Variants in MCF2L2 observed in about 807,000 individuals in gnomAD.
MCF2L2 encodes probable guanine nucleotide exchange factor MCF2L2.
Under a neutral mutation model 150.2 loss-of-function variants are expected in MCF2L2, and 102 were observed. That is an observed-to-expected ratio of 0.68 (90% CI 0.58 to 0.80). The LOEUF is 0.80. Among genes scored for constraint, MCF2L2 ranks in the 30% least tolerant of loss-of-function variants. MCF2L2 has a pLI of 0.00. For synonymous variants in MCF2L2, 465 were observed against 491.3 expected, an observed-to-expected ratio of 0.95 and a Z score of 0.71; for missense variants, 1,256 against 1,372.8, an observed-to-expected ratio of 0.91 and a Z score of 1.34.
intron 5 of MCF2L2, among the ~76,000 whole-genome samples, chr3:183,326,894 G>A (rs999060562): frequency 1.3e-5 from 2 of 152,112 alleles, no homozygotes; most frequent in East Asian, 1.9e-4. Context: ...TTACAAAGGT[G>A]CAAAGGTAAT....
In MCF2L2 at chr3:183,410,145, T is replaced by C. The variant is rs527966505; in HGVS notation, c.76+17757A>G. Among the ~76,000 whole-genome samples, 9 of 152,290 alleles carry C rather than the reference T, an allele frequency of 5.9e-5. No homozygotes were observed. The East Asian group carries it at 1.7e-3, about 29-fold the overall frequency. On this transcript the variant is annotated intron_variant, in intron 1 of 29. Coordinates refer to ENST00000328913, the MANE Select transcript of MCF2L2 (RefSeq NM_015078.4). ...TATTCCCCTTATCCCGCCAATTAAA[T>C]AGCTTTCCCCTCTCCATCTATCTAA...
chr3:183,213,166 T>C (rs1006715048), intron 22 of MCF2L2, among the ~76,000 whole-genome samples: 1 of 152,018 alleles, frequency 6.6e-6, no homozygotes, highest in African/African-American at 2.4e-5. Context: ...GAAGACTGTT[T>C]CATTCAATCT....
At chr3:183,306,156 T>C (rs1001369555) in intron 10 of MCF2L2, among the ~76,000 whole-genome samples, 1 of 152,218 alleles carries the variant, frequency 6.6e-6, no homozygotes, top group African/African-American at 2.4e-5. Context: ...TCCATCCCTA[T>C]CCGACTTCCA....
chr3:183,229,417 C>T (rs1723466461), intron 17 of MCF2L2, among the ~76,000 whole-genome samples: 1 of 152,190 alleles, frequency 6.6e-6, no homozygotes, highest in African/African-American at 2.4e-5. Flanking sequence ...AAGGAACACT[C>T]AACTGCATAC....
At chr3:183,338,447 C>CAAAA (rs58920831) in intron 5 of MCF2L2, among the ~76,000 whole-genome samples, 1 of 104,704 alleles carries the variant, frequency 9.6e-6, no homozygotes, top group Non-Finnish European at 2.0e-5. Flanking sequence ...AACTCTATCT[C>CAAAA]AAAAAAAAAA....
chr3:183,179,178 CTCCGAGGTCCCCCGTGCGGAG>C lies in MCF2L2; in HGVS notation c.*181_*201del. The C allele has an allele frequency of 1.6e-6, 1 of 637,166 alleles. No individual in the cohort carries two copies. Among genetic ancestry groups the C allele is most frequent in the Non-Finnish European group, 2.3e-6 (1 of 426,878 alleles). 39.5% of individuals were successfully genotyped at this position (637,166 alleles called of 1,614,324 possible). A position where few individuals can be genotyped will look rare whatever the true frequency, so the allele number is the denominator to read the frequency against. ...CGCCTCTGCAGGCGCCTTAGAGCAG[CTCCGAGGTCCCCCGTGCGGAG>C]CTAGGCGCGCACCCAGGACACCCCT... On this transcript the variant is annotated 3_prime_UTR_variant, in exon 30 of 30. Transcript: ENST00000328913. The surrounding 1 kb of genome is among the most constrained non-coding windows in gnomAD (Gnocchi z 4.2).
chr3:183,332,116 T>C (rs188314556), intron 5 of MCF2L2, among the ~76,000 whole-genome samples: 22 of 152,306 alleles, frequency 1.4e-4, no homozygotes, highest in East Asian at 9.6e-4. Context: ...TCACAACACG[T>C]TTTAAAAATA....
chr3:183,383,371 A>G (rs1308203792), intron 2 of MCF2L2, among the ~76,000 whole-genome samples: 1 of 152,024 alleles, frequency 6.6e-6, no homozygotes, highest in African/African-American at 2.4e-5. Context: ...AGTAGCTGAG[A>G]TTACAGGTAT....
chr3:183,303,107 T>C (rs1221981050), intron 10 of MCF2L2, among the ~76,000 whole-genome samples: 7 of 150,640 alleles, frequency 4.6e-5, no homozygotes, highest in African/African-American at 1.7e-4. Context: ...GGCAGGAGAA[T>C]AGCTTGAACC....
intron 6 of MCF2L2, among the ~76,000 whole-genome samples, chr3:183,318,888 A>G (rs556279425): frequency 7.9e-5 from 12 of 152,212 alleles, no homozygotes; most frequent in Non-Finnish European, 1.6e-4. Context: ...TCAAATCACA[A>G]TCTTTTTGCT....
chr3:183,206,268 A>G, intron 23 of MCF2L2, 54 bp from the exon 24 acceptor site: 2 of 1,256,600 alleles, frequency 1.6e-6, no homozygotes, highest in South Asian at 1.2e-5. Flanking sequence ...TGATTTTAAA[A>G]TAGTCCCTGT....
chr3:183,326,492 CAAAAAAAAAA>C (rs890481068), intron 5 of MCF2L2, among the ~76,000 whole-genome samples: 33 of 39,434 alleles, frequency 8.4e-4, no homozygotes, highest in Admixed American at 3.7e-3. Flanking sequence ...AACTCCGTCT[CAAAAAAAAAA>C]AAAAAAAAAA....
At chr3:183,304,566 A>C (rs1014997222) in intron 10 of MCF2L2, among the ~76,000 whole-genome samples, 1 of 148,794 alleles carries the variant, frequency 6.7e-6, no homozygotes, top group Non-Finnish European at 1.5e-5. Context: ...CCGGGGTTCA[A>C]GCGATTCTCC....
chr3:183,219,873 G>C lies in MCF2L2; in HGVS notation c.2353C>G (p.Leu785Val), dbSNP rs771573026. Residue 785 changes from leucine (L) to valine (V), a missense_variant, in exon 21 of 30, where the codon CTA becomes GTA. Coordinates refer to ENST00000328913, the MANE Select transcript of MCF2L2 (RefSeq NM_015078.4). ...TTGAGTACCTTAGCCGAGCCTCCTA[G>C]TTCACCTGGGTCTATCTCCATATCT... ...PEDMEIDPGE[L>V]GGSAKDGPKR... is the part of the protein sequence containing the mutation. 1 of 1,612,670 alleles carries C rather than the reference G, an allele frequency of 6.2e-7. No homozygotes were observed. The highest frequency in any genetic ancestry group is 1.3e-5 in the African/African-American group (1 of 74,972).
At position 183,323,305 on chromosome 3, in the gene MCF2L2, T is replaced by G. The variant is rs1464315879; in HGVS notation, c.533A>C (p.Lys178Thr). Residue 178 changes from lysine (K) to threonine (T), a missense_variant, in exon 6 of 30, where the codon AAA becomes ACA. Physicochemically the swap from Lys to Thr is moderately conservative, Grantham distance 78. Coordinates refer to ENST00000328913, the MANE Select transcript of MCF2L2 (RefSeq NM_015078.4). ...SVSDLHGYID[K>T]SQLTRELGGT... ...CCCTAATTCCCGGGTCAGTTGGCTT[T>G]TGTCGATGTAGCCGTGAAGGTCAGA... The G allele has an allele frequency of 6.2e-7, 1 of 1,614,042 alleles. No homozygotes were observed. Among genetic ancestry groups the G allele is most frequent in the East Asian group, 2.2e-5 (1 of 44,886 alleles).
At chr3:183,238,167 G>A (rs543057778) in intron 15 of MCF2L2, among the ~76,000 whole-genome samples, 1 of 151,602 alleles carries the variant, frequency 6.6e-6, no homozygotes, top group East Asian at 1.9e-4. Flanking sequence ...TCTAAAGCAA[G>A]CTTGTCCAAC....
chr3:183,221,978 C>T (rs1723165906), intron 20 of MCF2L2, among the ~76,000 whole-genome samples: 1 of 152,140 alleles, frequency 6.6e-6, no homozygotes, highest in African/African-American at 2.4e-5. Flanking sequence ...CAGAGTACAC[C>T]GAGGCTGAAA....
rs949146562 is a variant in MCF2L2 at position 183,181,793 on chromosome 3, G to A, written c.3017-1634C>T. Among the ~76,000 whole-genome samples the A allele has an allele frequency of 4.6e-5, 7 of 152,176 alleles. No individual in the cohort carries two copies. The highest frequency in any genetic ancestry group is 1.7e-4 in the African/African-American group (7 of 41,446). Reference sequence around the variant, plus strand: ...TAGGGACCATAGAGCCACCCACTGGGAGGCTGGCGGTTGGGCCTGGCTCAG... The same window carrying A: ...TAGGGACCATAGAGCCACCCACTGGAAGGCTGGCGGTTGGGCCTGGCTCAG... On this transcript the variant is annotated intron_variant, in intron 27 of 29. Transcript: ENST00000328913. The surrounding 1 kb of genome is among the most constrained non-coding windows in gnomAD (Gnocchi z 4.3).
intron 13 of MCF2L2, among the ~76,000 whole-genome samples, chr3:183,292,086 G>A (rs536971302): frequency 5.5e-5 from 8 of 146,322 alleles, no homozygotes; most frequent in African/African-American, 2.0e-4. Context: ...TATGTGTGTG[G>A]ATGTGTGTGT....
Sources: gnomAD v4.1 joint callset for allele counts (sites outside exome capture counted in the v4.1 genomes callset) on GRCh38, gnomAD v4.1.1 for gene constraint, Gnocchi (gnomAD v3.1) non-coding constraint, MANE v1.5 for transcripts, NCBI Gene and HGNC (gene_info 2026-07-23, HGNC 2026-07-21) for gene names.